Variants in EMCN observed in about 807,000 individuals in gnomAD.
EMCN encodes the protein MUC-14.
In EMCN, 37 loss-of-function variants were observed where a neutral mutation model predicts 38.4. The observed-to-expected ratio is 0.96, with a 90% CI of 0.74 to 1.27. The LOEUF is 1.27. EMCN is among the 50% of genes most tolerant of loss of function. The pLI, the probability that EMCN is intolerant of heterozygous loss-of-function variation, is 0.00. For synonymous variants in EMCN, 95 were observed against 100.8 expected (o/e 0.94, Z 0.35); for missense variants, 318 against 302.8 (o/e 1.05, Z -0.37).
At chr4:100,464,891 T>C (rs2110262909) in intron 4 of EMCN, among the ~76,000 whole-genome samples, 1 of 152,180 alleles carries the variant, frequency 6.6e-6, no homozygotes, top group East Asian at 1.9e-4. Context: ...CTCTGATAAT[T>C]ATTTGTGCAG....
At chr4:100,420,097 T>C (rs1726847344) in intron 8 of EMCN, among the ~76,000 whole-genome samples, 1 of 152,150 alleles carries the variant, frequency 6.6e-6, no homozygotes, top group South Asian at 2.1e-4. Context: ...GAATTCTATT[T>C]ACTGTACCTT....
chr4:100,451,847 G>T lies in EMCN; in HGVS notation c.377-4276C>A, dbSNP rs1264123044. Among the ~76,000 whole-genome samples the T allele has an allele frequency of 1.3e-5, 2 of 151,926 alleles. 1 individual carries two copies. The highest frequency in any genetic ancestry group is 2.9e-5 in the Non-Finnish European group (2 of 67,914). On this transcript the variant is annotated intron_variant, in intron 4 of 11. Transcript: ENST00000296420. ...TAGCTAACATGTATTGTGTTTTTGT[G>T]TGTGTGTTTATTTCTTTATATGATT...
At chr4:100,454,291 G>A (rs1162228260) in intron 4 of EMCN, among the ~76,000 whole-genome samples, 1 of 150,294 alleles carries the variant, frequency 6.7e-6, no homozygotes, top group East Asian at 2.0e-4. Flanking sequence ...GTTTTGCAAG[G>A]AAGTTTTACA....
At chr4:100,495,207 T>C (rs2110295651) in intron 1 of EMCN, among the ~76,000 whole-genome samples, 1 of 152,174 alleles carries the variant, frequency 6.6e-6, no homozygotes, top group South Asian at 2.1e-4. Context: ...TAGATGATAT[T>C]TGAGTTACCT....
At chr4:100,422,284 T>A (rs1267151543) in intron 7 of EMCN, among the ~76,000 whole-genome samples, 1 of 152,082 alleles carries the variant, frequency 6.6e-6, no homozygotes, top group African/African-American at 2.4e-5. Flanking sequence ...AGACCTTAGG[T>A]GAAATCATTA....
intron 4 of EMCN, among the ~76,000 whole-genome samples, chr4:100,449,574 G>A (rs1163278674): frequency 6.6e-6 from 1 of 152,004 alleles, no homozygotes; most frequent in Non-Finnish European, 1.5e-5. Flanking sequence ...GCTGCAAGAG[G>A]GTTAGAATAC....
chr4:100,422,732 G>A (rs1429687293), intron 7 of EMCN, among the ~76,000 whole-genome samples: 1 of 151,544 alleles, frequency 6.6e-6, no homozygotes, highest in African/African-American at 2.4e-5. Context: ...CTTGGCCCTT[G>A]ATCGTAATTG....
At chr4:100,399,128 A>G (rs1374409854) in intron 11 of EMCN, among the ~76,000 whole-genome samples, 2 of 152,224 alleles carry the variant, frequency 1.3e-5, no homozygotes, top group African/African-American at 4.8e-5. Context: ...CCACTTCTTC[A>G]TAGGAAAGGT....
At chr4:100,465,196 G>A (rs1209863719) in intron 4 of EMCN, among the ~76,000 whole-genome samples, 1 of 151,972 alleles carries the variant, frequency 6.6e-6, no homozygotes, top group Non-Finnish European at 1.5e-5. Context: ...ATAGATTACT[G>A]CCCAGTCTTG....
rs186116220 is a variant in EMCN, at chr4:100,403,257, A to G, written c.*40-4884T>C. On this transcript the variant is annotated intron_variant, in intron 11 of 11. Coordinates refer to ENST00000296420, the MANE Select transcript of EMCN (RefSeq NM_016242.4). The stretch of plus-strand genomic sequence containing the variant: ...CTCTTGTTCCCCGCTTTGTGCCTTT[A>G]GTGCTTGGCACCCCCTTAGAAATGC... 3.5e-3 allele frequency among the ~76,000 whole-genome samples: 529 copies of G among 152,112 alleles called. 12 individuals are homozygous for G. Among genetic ancestry groups the G allele is most frequent in the Admixed American group, 0.031 (471 of 15,240 alleles).
chr4:100,493,315 T>G (rs1231864030), intron 1 of EMCN, among the ~76,000 whole-genome samples: 1 of 152,182 alleles, frequency 6.6e-6, no homozygotes, highest in Non-Finnish European at 1.5e-5. Context: ...TCTAATATCC[T>G]TTCACCATTC....
chr4:100,510,407 A>T (rs1206320518), intron 1 of EMCN, among the ~76,000 whole-genome samples: 5 of 152,116 alleles, frequency 3.3e-5, no homozygotes. Flanking sequence ...ATTGTGAAAA[A>T]TTTTCAGATG....
intron 5 of EMCN, among the ~76,000 whole-genome samples, chr4:100,441,819 TC>T (rs1321502433): frequency 3.9e-5 from 6 of 152,192 alleles, no homozygotes; most frequent in Non-Finnish European, 8.8e-5. Context: ...ACAATTTTCA[TC>T]TTTTAATATT....
intron 9 of EMCN, among the ~76,000 whole-genome samples, chr4:100,416,567 T>C (rs1187399548): frequency 3.9e-5 from 6 of 152,156 alleles, no homozygotes; most frequent in Non-Finnish European, 5.9e-5. Context: ...TACAACCTTA[T>C]GAAACATAAA....
At chr4:100,515,603 A>G (rs1729733779) in intron 1 of EMCN, among the ~76,000 whole-genome samples, 1 of 152,192 alleles carries the variant, frequency 6.6e-6, no homozygotes, top group Admixed American at 6.6e-5. Context: ...GGAATAAATT[A>G]CTACGCAAAA....
chr4:100,442,276 CTTTACATGTGATTTGATGCT>C (rs942836648), intron 5 of EMCN, among the ~76,000 whole-genome samples: 1 of 152,112 alleles, frequency 6.6e-6, no homozygotes, highest in African/African-American at 2.4e-5. Context: ...ATGGCAATTC[CTTTACATGTGATTTGATGCT>C]TTTCTCTTGT....
intron 10 of EMCN, among the ~76,000 whole-genome samples, chr4:100,412,273 C>T (rs532287383): frequency 3.9e-5 from 6 of 152,190 alleles, no homozygotes; most frequent in Middle Eastern, 3.4e-3. Flanking sequence ...ACATCATGGA[C>T]GGTGTTGCAG....
At chr4:100,496,688 A>C (rs1240343841) in intron 1 of EMCN, among the ~76,000 whole-genome samples, 3 of 152,194 alleles carry the variant, frequency 2.0e-5, no homozygotes, top group Non-Finnish European at 2.9e-5. Flanking sequence ...GATGTTAAAG[A>C]GTGAACTAGT....
chr4:100,489,806 G>A (rs1729030771), intron 1 of EMCN, among the ~76,000 whole-genome samples: 1 of 152,074 alleles, frequency 6.6e-6, no homozygotes, highest in African/African-American at 2.4e-5. Flanking sequence ...CATATCTGTG[G>A]GCTCCACAAG....
Sources: allele counts gnomAD v4.1 joint callset (sites outside exome capture counted in the v4.1 genomes callset), GRCh38; gene constraint gnomAD v4.1.1; transcripts MANE v1.5; gene names NCBI Gene and HGNC (gene_info 2026-07-23, HGNC 2026-07-21).